The following FAM193A variants were observed in gnomAD, a reference collection of about 807,000 sequenced individuals.
FAM193A encodes the protein family with sequence similarity 193 member A, also known as protein FAM193A.
A neutral mutation model predicts 126.5 loss-of-function variants in FAM193A; 22 were observed. The ratio of observed to expected loss-of-function variants is 0.17; its 90% CI spans 0.12 to 0.25. The LOEUF is 0.25. Ranked by LOEUF, FAM193A falls within the 10% of genes least tolerant of loss-of-function variation. FAM193A has a pLI of 1.00. For synonymous variants in FAM193A, 761 were observed against 646.8 expected, an observed-to-expected ratio of 1.18 and a Z score of -2.68; for missense variants, 1,675 against 1,672.8, an observed-to-expected ratio of 1.00 and a Z score of -0.02.
At chr4:2,598,498 G>A (rs1161531427) in intron 2 of FAM193A, among the ~76,000 whole-genome samples, 1 of 152,226 alleles carries the variant, frequency 6.6e-6, no homozygotes, top group Admixed American at 6.5e-5. Flanking sequence ...TTTTGCATCT[G>A]TGCTCATGAA....
Position 2,639,830 on chromosome 4 carries a change from C to A in FAM193A, c.1134C>A (p.Ser378Arg). The A allele has an allele frequency of 6.2e-7, 1 of 1,614,112 alleles. No individual in the cohort carries two copies. Among genetic ancestry groups the A allele is most frequent in the African/African-American group, 1.3e-5 (1 of 75,040 alleles). The change falls in exon 6 of 21, where the codon AGC becomes AGA. Residue 378 changes from serine (S) to arginine (R), a missense_variant. Physicochemically the swap from Ser to Arg is moderately radical, Grantham distance 110. Coordinates refer to ENST00000637812, the MANE Select transcript of FAM193A (RefSeq NM_001366318.2). ...TCTTTTCGGAGCCACTTCTTCAGAG[C>A]AACTTGCCCGCACTGGTGTCACAGA... ...NLVFSEPLLQ[S>R]NLPALVSQIR... is the part of the protein sequence containing the mutation.
At chr4:2,567,934 G>A (rs1739064868) in intron 1 of FAM193A, among the ~76,000 whole-genome samples, 2 of 152,168 alleles carry the variant, frequency 1.3e-5, no homozygotes, top group Admixed American at 6.5e-5. Context: ...TGTGGCTGTT[G>A]CCCTCCAGCA....
Position 2,732,336 on chromosome 4 carries a change from G to A in FAM193A, c.*468G>A. 1 of 196,462 alleles carries A rather than the reference G, an allele frequency of 5.1e-6. No homozygotes were observed. The highest frequency in any genetic ancestry group is 1.1e-5 in the Non-Finnish European group (1 of 94,226). 12.2% of individuals were successfully genotyped at this position (196,462 alleles called of 1,614,324 possible). A position where few individuals can be genotyped will look rare whatever the true frequency, so the allele number is the denominator to read the frequency against. On this transcript the variant is annotated 3_prime_UTR_variant, in exon 21 of 21. Transcript: ENST00000637812. ...TCTCCACAATCTACTGTCTCCGAGT[G>A]TACACGTTGCGCTGTTTGTGTTTGA... is the stretch of plus-strand genomic sequence containing the variant.
rs557026376 is a variant in FAM193A, at chr4:2,693,713, C to G, written c.2931C>G (p.Leu977=). The part of the protein sequence containing the change: ...LSPAALSPAA[L]SPASTPHLAN... Reference sequence around the variant, plus strand: ...CTGCTGCGCTGTCACCTGCTGCGCTCTCACCTGCCTCCACACCTCACCTTG... The same window carrying G: ...CTGCTGCGCTGTCACCTGCTGCGCTGTCACCTGCCTCCACACCTCACCTTG... The change falls in exon 16 of 21, where the codon CTC becomes CTG. Residue 977 remains leucine, a synonymous_variant. Coordinates refer to ENST00000637812, the MANE Select transcript of FAM193A (RefSeq NM_001366318.2). 54 of 1,614,028 alleles carry G rather than the reference C, an allele frequency of 3.3e-5. No individual in the cohort carries two copies. The highest frequency in any genetic ancestry group is 4.2e-5 in the Non-Finnish European group (49 of 1,180,008).
At chr4:2,629,289 A>C (rs1217908567) in intron 4 of FAM193A, among the ~76,000 whole-genome samples, 2 of 151,688 alleles carry the variant, frequency 1.3e-5, no homozygotes, top group Admixed American at 1.3e-4. Context: ...TCTGCTTCTA[A>C]GTTTGGTTGT....
intron 1 of FAM193A, among the ~76,000 whole-genome samples, chr4:2,570,767 A>T (rs1273366186): frequency 6.6e-6 from 1 of 152,096 alleles, no homozygotes; most frequent in African/African-American, 2.4e-5. Flanking sequence ...GGGCTAGGCT[A>T]GTTTTCAGGC....
chr4:2,715,704 G>T (rs1171911264), intron 19 of FAM193A, among the ~76,000 whole-genome samples: 2 of 152,156 alleles, frequency 1.3e-5, no homozygotes, highest in Non-Finnish European at 2.9e-5. Flanking sequence ...GAATCTTCTT[G>T]CTAAAGGGCT....
chr4:2,682,021 G>A (rs1406333726), intron 13 of FAM193A, among the ~76,000 whole-genome samples: 1 of 137,958 alleles, frequency 7.2e-6, no homozygotes, highest in Non-Finnish European at 1.5e-5. Flanking sequence ...GTCTTCCTCG[G>A]TCGCCCAGGC....
chr4:2,625,269 A>G lies in FAM193A; in HGVS notation c.509A>G (p.Asp170Gly). The change falls in exon 3 of 21, where the codon GAT becomes GGT. Residue 170 changes from aspartate to glycine, a missense_variant. Physicochemically the swap from Asp to Gly is moderately conservative, Grantham distance 94 (BLOSUM62 -1). Coordinates refer to ENST00000637812, the MANE Select transcript of FAM193A (RefSeq NM_001366318.2). ...GTTCTCTTTTTAAAACAGAGCCAAGATTTTCTTCTTCACTCCTCGCTTGGT... is the reference window on the plus strand; with the variant it reads ...GTTCTCTTTTTAAAACAGAGCCAAGGTTTTCTTCTTCACTCCTCGCTTGGT... ...HGGLDQPVSQDFLLHSSLGGS... is the reference protein window; with the variant it reads ...HGGLDQPVSQGFLLHSSLGGS... 4.3e-6 allele frequency: 3 copies of G among 701,404 alleles called. No homozygotes were observed. The highest frequency in any genetic ancestry group is 1.5e-5 in the South Asian group (1 of 67,466). 43.4% of individuals were successfully genotyped at this position (701,404 alleles called of 1,614,324 possible). A position where few individuals can be genotyped will look rare whatever the true frequency, so the allele number is the denominator to read the frequency against.
intron 20 of FAM193A, among the ~76,000 whole-genome samples, chr4:2,727,940 ATTATT>A (rs1056294034): frequency 8.6e-5 from 13 of 151,574 alleles, no homozygotes; most frequent in African/African-American, 1.7e-4. Context: ...AAAAAAAAAA[ATTATT>A]TTATTTATTT....
intron 6 of FAM193A, among the ~76,000 whole-genome samples, chr4:2,645,488 C>T (rs1372948285): frequency 2.0e-5 from 3 of 152,000 alleles, no homozygotes; most frequent in Admixed American, 2.0e-4. Flanking sequence ...CATTTATTTT[C>T]TCATTTTCCA....
At chr4:2,674,937 A>G (rs902514990) in intron 13 of FAM193A, among the ~76,000 whole-genome samples, 1 of 152,200 alleles carries the variant, frequency 6.6e-6, no homozygotes, top group Non-Finnish European at 1.5e-5. Context: ...TATATGGAGT[A>G]TAAGTTATTT....
rs111896207 is a variant in FAM193A, at chr4:2,650,786, G to A, written c.1311+3954G>A. Among the ~76,000 whole-genome samples, 11 of 152,230 alleles carry A rather than the reference G, an allele frequency of 7.2e-5. 1 individual carries two copies. The highest frequency in any genetic ancestry group is 5.8e-4 in the East Asian group (3 of 5,192). On this transcript the variant is annotated intron_variant, in intron 7 of 20. Transcript: ENST00000637812. ...ACCCTGCCTACCTTTACCAAGGACCGCATAAAAAAAGAGGAGCCCCAAGCA... is the reference window on the plus strand; with the variant it reads ...ACCCTGCCTACCTTTACCAAGGACCACATAAAAAAAGAGGAGCCCCAAGCA...
At chr4:2,687,052 G>A (rs1285088363) in intron 13 of FAM193A, among the ~76,000 whole-genome samples, 1 of 152,010 alleles carries the variant, frequency 6.6e-6, no homozygotes, top group Non-Finnish European at 1.5e-5. Flanking sequence ...TATTCCTGCT[G>A]TTGAGTCCTG....
chr4:2,575,824 C>T (rs908943824), intron 1 of FAM193A, among the ~76,000 whole-genome samples: 5 of 152,110 alleles, frequency 3.3e-5, no homozygotes, highest in Non-Finnish European at 7.4e-5. Flanking sequence ...CGAGTACACA[C>T]CATCGTCCAT....
chr4:2,615,754 T>C (rs556926087), intron 2 of FAM193A, among the ~76,000 whole-genome samples: 2 of 152,308 alleles, frequency 1.3e-5, no homozygotes, highest in South Asian at 4.1e-4. Context: ...CCTGACCTCG[T>C]GATCTGCCGT....
At chr4:2,632,923 C>G (rs1392802835) in intron 5 of FAM193A, among the ~76,000 whole-genome samples, 1 of 152,228 alleles carries the variant, frequency 6.6e-6, no homozygotes, top group East Asian at 1.9e-4. Context: ...CCACCTAAAC[C>G]TGGTGCCCAG....
chr4:2,572,187 G>A (rs1340572443), intron 1 of FAM193A, among the ~76,000 whole-genome samples: 1 of 151,594 alleles, frequency 6.6e-6, no homozygotes, highest in Non-Finnish European at 1.5e-5. Flanking sequence ...AAAAAAACTG[G>A]GTGTGGTTGT....
intron 5 of FAM193A, among the ~76,000 whole-genome samples, chr4:2,639,406 A>G (rs780726472): frequency 2.2e-4 from 34 of 152,158 alleles, no homozygotes; most frequent in Non-Finnish European, 4.4e-4. Context: ...TTTTAAAAGT[A>G]TAATTGTGAG....
Sources: gnomAD v4.1 joint callset for allele counts (sites outside exome capture counted in the v4.1 genomes callset) on GRCh38, gnomAD v4.1.1 for gene constraint, MANE v1.5 for transcripts, NCBI Gene and HGNC (gene_info 2026-07-23, HGNC 2026-07-21) for gene names.